Variants in KHDRBS2 observed in about 807,000 individuals in gnomAD.
KHDRBS2 encodes KH RNA binding domain containing, signal transduction associated 2.
In KHDRBS2, 26 loss-of-function variants were observed where a neutral mutation model predicts 44.3. The ratio of observed to expected loss-of-function variants is 0.59; its 90% CI spans 0.43 to 0.81. KHDRBS2 has a LOEUF of 0.81. Among genes scored for constraint, KHDRBS2 ranks in the 40% least tolerant of loss-of-function variants. The probability of loss-of-function intolerance (pLI) is 0.00; values close to 1 mark genes in which losing one functional copy is unlikely to be tolerated. For synonymous variants in KHDRBS2, 194 were observed against 151.1 expected, an observed-to-expected ratio of 1.28 and a Z score of -2.08; for missense variants, 476 against 433.1, an observed-to-expected ratio of 1.10 and a Z score of -0.88.
At chr6:62,060,838 A>G (rs1791648691) in intron 2 of KHDRBS2, among the ~76,000 whole-genome samples, 1 of 151,878 alleles carries the variant, frequency 6.6e-6, no homozygotes. Flanking sequence ...GTCCTTTCAA[A>G]TCTGTTGATT....
the KHDRBS2 span, among the ~76,000 whole-genome samples, chr6:61,611,084 A>C: frequency 1.4e-4 from 22 of 152,348 alleles, no homozygotes; most frequent in Non-Finnish European, 2.8e-4. Flanking sequence ...ATAATGCATA[A>C]GTGGGTTACT....
chr6:61,597,205 T>C, the KHDRBS2 span, among the ~76,000 whole-genome samples: 1 of 152,216 alleles, frequency 6.6e-6, no homozygotes, highest in Admixed American at 6.5e-5. Context: ...GAAGATGCCA[T>C]TTCAAATAAA....
chr6:62,084,114 C>A (rs1797953767), intron 2 of KHDRBS2, among the ~76,000 whole-genome samples: 1 of 152,064 alleles, frequency 6.6e-6, no homozygotes, highest in Non-Finnish European at 1.5e-5. Context: ...GAGGTATAAT[C>A]CCTAACGAGA....
At chr6:62,206,028 A>G (rs773700851) in intron 1 of KHDRBS2, among the ~76,000 whole-genome samples, 1 of 152,208 alleles carries the variant, frequency 6.6e-6, no homozygotes, top group Non-Finnish European at 1.5e-5. Context: ...TTAAGAGGAA[A>G]TGGTCAAATG....
chr6:61,998,959 G>A (rs1378860620), intron 3 of KHDRBS2, among the ~76,000 whole-genome samples: 1 of 151,868 alleles, frequency 6.6e-6, no homozygotes, highest in African/African-American at 2.4e-5. Context: ...TATTTAATAA[G>A]CTTTAGGCTT....
rs534547618 is a variant in KHDRBS2, at chr6:62,098,574, T to C, written c.220-50580A>G. On this transcript the variant is annotated intron_variant, in intron 2 of 8. Coordinates refer to ENST00000281156, the MANE Select transcript of KHDRBS2 (RefSeq NM_152688.4). ...TTTTCTCTTGTGGCTTTCAGAATCCTATCTTTGTCTTCGACCTTTGAGAGA... is the reference window on the plus strand; with the variant it reads ...TTTTCTCTTGTGGCTTTCAGAATCCCATCTTTGTCTTCGACCTTTGAGAGA... Among the ~76,000 whole-genome samples, 324 of 152,296 alleles carry C rather than the reference T, an allele frequency of 2.1e-3. 1 individual carries two copies. Among genetic ancestry groups the C allele is most frequent in the African/African-American group, 7.3e-3 (304 of 41,576 alleles).
At chr6:61,625,586 G>A in the KHDRBS2 span, among the ~76,000 whole-genome samples, 1 of 151,992 alleles carries the variant, frequency 6.6e-6, no homozygotes, top group Non-Finnish European at 1.5e-5. Flanking sequence ...ATTCCTGCCT[G>A]ACACAGCACT....
At chr6:61,647,612 T>C in the KHDRBS2 span, among the ~76,000 whole-genome samples, 1 of 152,148 alleles carries the variant, frequency 6.6e-6, no homozygotes. Context: ...ATAATCAATA[T>C]TCAAAAAATT....
At chr6:61,938,041 C>T (rs1027687774) in intron 4 of KHDRBS2, among the ~76,000 whole-genome samples, 1 of 152,070 alleles carries the variant, frequency 6.6e-6, no homozygotes, top group African/African-American at 2.4e-5. Flanking sequence ...ACACCTTCTA[C>T]AGCCCCAAGC....
intron 4 of KHDRBS2, among the ~76,000 whole-genome samples, chr6:61,926,691 A>G (rs1168873385): frequency 6.6e-6 from 1 of 152,146 alleles, no homozygotes; most frequent in East Asian, 1.9e-4. Flanking sequence ...TATTCTTGGT[A>G]TCAAGTAGCA....
At chr6:61,996,739 C>A (rs1777237215) in intron 3 of KHDRBS2, among the ~76,000 whole-genome samples, 1 of 152,048 alleles carries the variant, frequency 6.6e-6, no homozygotes, top group South Asian at 2.1e-4. Flanking sequence ...ATTGTGATAG[C>A]CTTTTAAATA....
At chr6:62,094,893 A>G (rs890632147) in intron 2 of KHDRBS2, among the ~76,000 whole-genome samples, 3 of 151,588 alleles carry the variant, frequency 2.0e-5, no homozygotes, top group African/African-American at 7.3e-5. Flanking sequence ...TAATTTATAA[A>G]CTTTCTATTC....
chr6:62,003,064 T>C (rs1357005292), intron 3 of KHDRBS2, among the ~76,000 whole-genome samples: 1 of 152,120 alleles, frequency 6.6e-6, no homozygotes, highest in Non-Finnish European at 1.5e-5. Flanking sequence ...TACTTTTTTT[T>C]CCAACTGATT....
intron 1 of KHDRBS2, among the ~76,000 whole-genome samples, chr6:62,180,069 AAAC>A (rs1821940561): frequency 6.6e-6 from 1 of 151,846 alleles, no homozygotes; most frequent in Non-Finnish European, 1.5e-5. Context: ...ACTGCATAGT[AAAC>A]CATCATCCTC....
chr6:61,873,935 G>C (rs1253758505), intron 6 of KHDRBS2, among the ~76,000 whole-genome samples: 1 of 151,944 alleles, frequency 6.6e-6, no homozygotes, highest in East Asian at 1.9e-4. Context: ...AGACAAAGAT[G>C]CATGGGGGGC....
the KHDRBS2 span, among the ~76,000 whole-genome samples, chr6:61,576,763 A>G: frequency 2.6e-5 from 4 of 152,294 alleles, no homozygotes; most frequent in Admixed American, 2.6e-4. Context: ...GATAGGGAAC[A>G]AAGTCTAAAA....
chr6:61,978,993 A>G (rs949049112), intron 3 of KHDRBS2, among the ~76,000 whole-genome samples: 3 of 152,052 alleles, frequency 2.0e-5, no homozygotes, highest in African/African-American at 7.2e-5. Flanking sequence ...ATTGGAAGAG[A>G]CTTTTCCTAG....
chr6:62,080,116 G>T (rs1209739732), intron 2 of KHDRBS2, among the ~76,000 whole-genome samples: 2 of 151,978 alleles, frequency 1.3e-5, no homozygotes, highest in Non-Finnish European at 2.9e-5. Context: ...TCTATAAATA[G>T]ATTCTCAATT....
chr6:61,651,065 AGATGGT>A, the KHDRBS2 span, among the ~76,000 whole-genome samples: 4 of 152,060 alleles, frequency 2.6e-5, no homozygotes, highest in African/African-American at 9.7e-5. Context: ...CTTAATGTGG[AGATGGT>A]GACAGAAATA....
Sources: allele counts gnomAD v4.1 joint callset (sites outside exome capture counted in the v4.1 genomes callset), GRCh38; gene constraint gnomAD v4.1.1; transcripts MANE v1.5; gene names NCBI Gene and HGNC (gene_info 2026-07-23, HGNC 2026-07-21).